The following MSI2 variants were observed in gnomAD, a reference collection of about 807,000 sequenced individuals.
MSI2 encodes musashi RNA binding protein 2, also known as RNA-binding protein Musashi homolog 2.
In MSI2, 17 loss-of-function variants were observed where a neutral mutation model predicts 45.6. The observed-to-expected ratio is 0.37, with a 90% CI of 0.26 to 0.56. The LOEUF (loss-of-function observed/expected upper bound fraction) is 0.56. Ranked by LOEUF, MSI2 falls within the 20% of genes least tolerant of loss-of-function variation. The pLI is 0.77. For synonymous variants in MSI2, 156 were observed against 158.2 expected (o/e 0.99, Z 0.11); for missense variants, 293 against 444.2 (o/e 0.66, Z 3.06).
chr17:57,662,710 C>G (rs1286311998), intron 11 of MSI2, among the ~76,000 whole-genome samples: 7 of 152,228 alleles, frequency 4.6e-5, no homozygotes, highest in Non-Finnish European at 7.3e-5. Flanking sequence ...TAACTAAATT[C>G]TCCATTATCC....
Position 57,294,193 on chromosome 17 carries a change from A to G in MSI2, c.312+32001A>G, listed in dbSNP as rs190088073. Among the ~76,000 whole-genome samples, 40 of 151,992 alleles carry G rather than the reference A, an allele frequency of 2.6e-4. 1 individual carries two copies. The highest frequency in any genetic ancestry group is 7.2e-4 in the Admixed American group (11 of 15,286). ...CTGGCTCTGACCAGCCACAAATTGG[A>G]TATTTGTTTGACCTTTTTATTCCAG... On this transcript the variant is annotated intron_variant, in intron 5 of 13. Coordinates refer to ENST00000284073, the MANE Select transcript of MSI2 (RefSeq NM_138962.4).
chr17:57,344,847 G>A (rs973889176), intron 5 of MSI2, among the ~76,000 whole-genome samples: 6 of 152,118 alleles, frequency 3.9e-5, no homozygotes, highest in African/African-American at 1.4e-4. Context: ...GGTGGATTAC[G>A]AGGTCAGGAG....
chr17:57,299,616 C>A (rs1911269384), intron 5 of MSI2, among the ~76,000 whole-genome samples: 2 of 152,080 alleles, frequency 1.3e-5, no homozygotes, highest in East Asian at 1.9e-4. Flanking sequence ...ATTTATTTAT[C>A]TTAATCAATA....
chr17:57,327,761 C>G (rs1913928202), intron 5 of MSI2, among the ~76,000 whole-genome samples: 1 of 152,114 alleles, frequency 6.6e-6, no homozygotes, highest in African/African-American at 2.4e-5. Flanking sequence ...TGGTGTTGTG[C>G]TAGGGAGGCC....
At chr17:57,547,360 A>G (rs2087193545) in intron 7 of MSI2, among the ~76,000 whole-genome samples, 1 of 152,202 alleles carries the variant, frequency 6.6e-6, no homozygotes, top group South Asian at 2.1e-4. Context: ...TCCCTGAATT[A>G]AGGAAGGACG....
intron 5 of MSI2, among the ~76,000 whole-genome samples, chr17:57,320,179 T>C (rs1913211893): frequency 6.6e-6 from 1 of 152,170 alleles, no homozygotes; most frequent in South Asian, 2.1e-4. Flanking sequence ...TCTCTGAGAT[T>C]TGAGGGGCGA....
At chr17:57,285,703 TAC>T in intron 5 of MSI2, 1 of 571,766 alleles carries the variant, frequency 1.7e-6, no homozygotes, top group Non-Finnish European at 2.8e-6. Flanking sequence ...TAAAAACAGT[TAC>T]AGGAACGTCT....
intron 5 of MSI2, among the ~76,000 whole-genome samples, chr17:57,287,005 C>T (rs1033762428): frequency 4.0e-5 from 6 of 151,766 alleles, no homozygotes; most frequent in East Asian, 1.9e-4. Context: ...AACTGGCTCG[C>T]GCCGCAGAGA....
intron 5 of MSI2, among the ~76,000 whole-genome samples, chr17:57,281,032 C>T (rs1253235585): frequency 2.6e-5 from 4 of 152,034 alleles, no homozygotes; most frequent in African/African-American, 9.7e-5. Flanking sequence ...GCAGTCTTGT[C>T]GTGTGTGGCC....
In MSI2 at chr17:57,652,900, T is replaced by A. The variant is rs933328357; in HGVS notation, c.790+739T>A. Among the ~76,000 whole-genome samples the A allele has an allele frequency of 6.6e-6, 1 of 152,178 alleles. No homozygotes were observed. The highest frequency in any genetic ancestry group is 2.4e-5 in the African/African-American group (1 of 41,446). On this transcript the variant is annotated intron_variant, in intron 11 of 13. Transcript: ENST00000284073. The surrounding 1 kb of genome is among the most constrained non-coding windows in gnomAD (Gnocchi z 4.1). ...ATATGTCCAGGGTGCCCGGGGTCCC[T>A]TTTGTCCCTCTCCCCAGAATGCTTT...
upstream of MSI2, among the ~76,000 whole-genome samples, chr17:57,256,293 G>A (rs1281324009): frequency 6.6e-6 from 1 of 151,630 alleles, no homozygotes; most frequent in Admixed American, 6.6e-5. Flanking sequence ...CCCTCCGCCC[G>A]CGGGGTTCGC....
rs1011734576 is a variant in MSI2 at position 57,682,047 on chromosome 17, T to C, written c.*2530T>C. On this transcript the variant is annotated 3_prime_UTR_variant, in exon 14 of 14. Transcript: ENST00000284073. The stretch of plus-strand genomic sequence containing the variant: ...TCCTGGTACTAGTGTAGCGACTTTT[T>C]TTCTCCTCTTTCTTCTAGTACATAT... 9.7e-6 allele frequency: 2 copies of C among 205,960 alleles called. No homozygotes were observed. Among genetic ancestry groups the C allele is most frequent in the Middle Eastern group, 1.6e-3 (1 of 620 alleles). 12.8% of individuals were successfully genotyped at this position (205,960 alleles called of 1,614,324 possible).
intron 6 of MSI2, among the ~76,000 whole-genome samples, chr17:57,446,127 G>C (rs2084895742): frequency 6.6e-6 from 1 of 152,156 alleles, no homozygotes; most frequent in African/African-American, 2.4e-5. Context: ...GAAAGTGTTA[G>C]GCTGCAGAGG....
intron 5 of MSI2, among the ~76,000 whole-genome samples, chr17:57,372,628 T>C (rs1026302385): frequency 1.3e-5 from 2 of 152,236 alleles, no homozygotes; most frequent in Non-Finnish European, 2.9e-5. Flanking sequence ...TTATTACACA[T>C]TTTATTATCA....
chr17:57,567,879 C>T (rs2087774983), intron 7 of MSI2, among the ~76,000 whole-genome samples: 1 of 152,214 alleles, frequency 6.6e-6, no homozygotes, highest in Non-Finnish European at 1.5e-5. Flanking sequence ...TCTTAAGCAC[C>T]TTGCTCTGCA....
chr17:57,600,324 G>A (rs1300678269), intron 8 of MSI2, among the ~76,000 whole-genome samples: 1 of 152,080 alleles, frequency 6.6e-6, no homozygotes, highest in Non-Finnish European at 1.5e-5. Context: ...TGCACCCCCT[G>A]GTACATACTG....
At chr17:57,665,978 T>G (rs1912335556) in intron 11 of MSI2, among the ~76,000 whole-genome samples, 1 of 152,128 alleles carries the variant, frequency 6.6e-6, no homozygotes, top group African/African-American at 2.4e-5. Flanking sequence ...GGCAGTCAGA[T>G]CCTGACCTCA....
intron 11 of MSI2, among the ~76,000 whole-genome samples, chr17:57,653,936 A>T (rs79750865): frequency 6.0e-5 from 8 of 133,724 alleles, no homozygotes; most frequent in South Asian, 2.5e-4. Flanking sequence ...CCAGTCACAC[A>T]TTTTTTTTTT....
intron 11 of MSI2, among the ~76,000 whole-genome samples, chr17:57,655,837 C>T (rs1448701847): frequency 3.3e-5 from 5 of 152,204 alleles, no homozygotes; most frequent in South Asian, 4.1e-4. Context: ...TGAAACAGTT[C>T]AAGAAACAAA....
Sources: allele counts gnomAD v4.1 joint callset (sites outside exome capture counted in the v4.1 genomes callset), GRCh38; gene constraint gnomAD v4.1.1; non-coding constraint Gnocchi (gnomAD v3.1); transcripts MANE v1.5; gene names NCBI Gene and HGNC (gene_info 2026-07-23, HGNC 2026-07-21).